PTPRZ1: variants seen among roughly 807,000 people sequenced by gnomAD.
The protein encoded by PTPRZ1 is receptor-type tyrosine-protein phosphatase zeta.
Under a neutral mutation model 214.1 loss-of-function variants are expected in PTPRZ1, and 82 were observed. That is an observed-to-expected ratio of 0.38 (90% CI 0.32 to 0.46). PTPRZ1 has a LOEUF of 0.46. PTPRZ1 is among the 20% of genes least tolerant of loss of function. The probability of loss-of-function intolerance (pLI) is 1.00; values close to 1 mark genes in which losing one functional copy is unlikely to be tolerated. For synonymous variants in PTPRZ1, 945 were observed against 987.9 expected (o/e 0.96, Z 0.81); for missense variants, 2,603 against 2,748.7 (o/e 0.95, Z 1.19).
chr7:122,015,736 A>G (rs1916890), intron 12 of PTPRZ1, among the ~76,000 whole-genome samples: 17,438 of 152,104 alleles, frequency 0.11, 1,330 homozygotes, highest in South Asian at 0.29. Flanking sequence ...ACCTAAAATT[A>G]TTGACTAAAG....
chr7:121,973,280 G>A (rs1797312495), intron 4 of PTPRZ1, among the ~76,000 whole-genome samples: 2 of 151,700 alleles, frequency 1.3e-5, no homozygotes, highest in Non-Finnish European at 2.9e-5. Context: ...ACATTATGAT[G>A]GATATTATAG....
At chr7:121,999,891 A>C (rs1008960882) in intron 10 of PTPRZ1, among the ~76,000 whole-genome samples, 1 of 152,136 alleles carries the variant, frequency 6.6e-6, no homozygotes, top group Non-Finnish European at 1.5e-5. Flanking sequence ...AATAATAAAT[A>C]TTATTAAAAC....
chr7:121,887,100 ACAT>A, intron 1 of PTPRZ1, among the ~76,000 whole-genome samples: 2 of 152,160 alleles, frequency 1.3e-5, no homozygotes, highest in Middle Eastern at 6.8e-3. Context: ...AGGAAGGGAA[ACAT>A]CATCTCACCC....
chr7:121,931,912 A>C (rs1038059895), intron 2 of PTPRZ1, among the ~76,000 whole-genome samples: 1 of 152,040 alleles, frequency 6.6e-6, no homozygotes, highest in East Asian at 1.9e-4. Context: ...GACTCATTAA[A>C]GCGTGGTATT....
chr7:121,976,068 A>G (rs890096874), intron 4 of PTPRZ1, 105 bp from the exon 5 acceptor site: 1 of 683,290 alleles, frequency 1.5e-6, no homozygotes, highest in Non-Finnish European at 2.5e-6. Flanking sequence ...AGTTGTATAC[A>G]TGTAATTTAT....
chr7:121,965,112 A>G (rs1797005979), intron 2 of PTPRZ1, among the ~76,000 whole-genome samples: 1 of 152,188 alleles, frequency 6.6e-6, no homozygotes, highest in Non-Finnish European at 1.5e-5. Flanking sequence ...CTTTTGCTGC[A>G]TAACAAATTA....
At chr7:121,902,610 G>A (rs150505797) in intron 1 of PTPRZ1, among the ~76,000 whole-genome samples, 33 of 152,118 alleles carry the variant, frequency 2.2e-4, no homozygotes, top group African/African-American at 7.7e-4. Flanking sequence ...TCTCTGATAA[G>A]TAGTCATGTT....
chr7:121,916,309 G>A (rs1046088689), intron 1 of PTPRZ1, among the ~76,000 whole-genome samples: 44 of 149,516 alleles, frequency 2.9e-4, no homozygotes, highest in African/African-American at 8.2e-4. Context: ...TTATTTAACC[G>A]TTACCATTAT....
At chr7:122,040,729 CGTGTGTGTGTGTGTGT>C (rs3993671) in intron 20 of PTPRZ1, 71 bp from the exon 21 acceptor site, 5,675 of 488,984 alleles carry the variant, frequency 0.012, 41 homozygotes, top group East Asian at 0.027. Flanking sequence ...GTTGAAGAAC[CGTGTGTGTGTGTGTGT>C]GTGTGTGTGT....
chr7:121,885,882 G>T (rs1337225974), intron 1 of PTPRZ1, among the ~76,000 whole-genome samples: 1 of 152,082 alleles, frequency 6.6e-6, no homozygotes. Context: ...AGACTTGATG[G>T]CATTCAGGCA....
chr7:121,928,044 G>A (rs963996835), intron 1 of PTPRZ1, 112 bp from the exon 2 acceptor site: 5 of 746,556 alleles, frequency 6.7e-6, no homozygotes, highest in Non-Finnish European at 1.2e-5. Flanking sequence ...TTGAGAAGAT[G>A]ACATGGAAAG....
chr7:121,995,750 T>C (rs2116609133), intron 8 of PTPRZ1, among the ~76,000 whole-genome samples: 1 of 152,346 alleles, frequency 6.6e-6, no homozygotes, highest in South Asian at 2.1e-4. Flanking sequence ...TTTTCTCTGG[T>C]TGGGAATTTT....
intron 3 of PTPRZ1, among the ~76,000 whole-genome samples, chr7:121,969,233 A>G (rs996122210): frequency 1.3e-5 from 2 of 150,492 alleles, no homozygotes; most frequent in Non-Finnish European, 3.0e-5. Context: ...GTGAGATCCT[A>G]TCCAAAAAAT....
intron 8 of PTPRZ1, among the ~76,000 whole-genome samples, chr7:121,994,736 C>T (rs1338237587): frequency 6.6e-6 from 1 of 152,248 alleles, no homozygotes; most frequent in South Asian, 2.1e-4. Flanking sequence ...ATTTGAAGGT[C>T]TTCTGCCATC....
intron 1 of PTPRZ1, among the ~76,000 whole-genome samples, chr7:121,910,313 C>T (rs562827868): frequency 2.1e-4 from 32 of 152,274 alleles, no homozygotes; most frequent in Admixed American, 4.6e-4. Context: ...TGCCTTATTC[C>T]GCTCTAATGC....
intron 12 of PTPRZ1, among the ~76,000 whole-genome samples, chr7:122,015,878 T>TAAGATCA (rs1798828346): frequency 6.6e-6 from 1 of 152,044 alleles, no homozygotes; most frequent in Admixed American, 6.5e-5. Flanking sequence ...GTGAAGTAAA[T>TAAGATCA]AAGATCAAAC....
In PTPRZ1 at chr7:122,031,603, A is replaced by G. The variant is rs756195643; in HGVS notation, c.5166+44A>G. 2.9e-6 allele frequency: 4 copies of G among 1,372,894 alleles called. No individual in the cohort carries two copies. In the Admixed American group the frequency reaches 5.6e-5, roughly 19 times the overall value. 85.0% of individuals were successfully genotyped at this position (1,372,894 alleles called of 1,614,324 possible). Reference sequence around the variant, plus strand: ...TATTTTAAATAATATAGAAAATAGTAAAATTTAAAAGATTCAGCAATAGGC... The same window carrying G: ...TATTTTAAATAATATAGAAAATAGTGAAATTTAAAAGATTCAGCAATAGGC... On this transcript the variant is annotated intron_variant, in intron 15 of 29. Coordinates refer to ENST00000393386, the MANE Select transcript of PTPRZ1 (RefSeq NM_002851.3).
Position 122,034,385 on chromosome 7 carries a change from A to G in PTPRZ1, c.5284+7A>G, listed in dbSNP as rs1333953877. On this transcript the variant is annotated splice_region_variant and intron_variant, in intron 17 of 29. Transcript: ENST00000393386. ...TACATAAATATCGTTGCCTGTAAGT[A>G]TATTCTTAAATCAGCTCTGACTTCA... 6.2e-7 allele frequency: 1 copy of G among 1,609,830 alleles called. No individual in the cohort carries two copies. Among genetic ancestry groups the G allele is most frequent in the East Asian group, 2.2e-5 (1 of 44,808 alleles).
At chr7:121,952,198 T>C (rs1179393848) in intron 2 of PTPRZ1, among the ~76,000 whole-genome samples, 1 of 152,146 alleles carries the variant, frequency 6.6e-6, no homozygotes. Context: ...GACCTCGTGA[T>C]TGGCCGGCCT....
Sources: allele counts gnomAD v4.1 joint callset (sites outside exome capture counted in the v4.1 genomes callset), GRCh38; gene constraint gnomAD v4.1.1; transcripts MANE v1.5; gene names NCBI Gene and HGNC (gene_info 2026-07-23, HGNC 2026-07-21).